Variants in USP15 observed in about 807,000 individuals in gnomAD.
USP15 encodes ubiquitin specific peptidase 15.
Under a neutral mutation model 127.1 loss-of-function variants are expected in USP15, and 18 were observed. The ratio of observed to expected loss-of-function variants is 0.14; its 90% confidence interval spans 0.10 to 0.21. USP15 has a LOEUF of 0.21. USP15 is among the 10% of genes least tolerant of loss of function. USP15 has a pLI of 1.00. For synonymous variants in USP15, 364 were observed against 393.7 expected, an observed-to-expected ratio of 0.92 and a Z score of 0.89; for missense variants, 805 against 1,159.9, an observed-to-expected ratio of 0.69 and a Z score of 4.44.
Position 62,410,657 on chromosome 12 carries a change from C to A in USP15, c.*6282C>A, listed in dbSNP as rs2068017407. 1 of 152,110 alleles carries A rather than the reference C, an allele frequency of 6.6e-6. No homozygotes were observed. Among genetic ancestry groups the A allele is most frequent in the Non-Finnish European group, 1.5e-5 (1 of 68,010 alleles). The allele number at this position is 152,110 out of a possible 1,614,324, so 9.4% of individuals were successfully genotyped here. A position where few individuals can be genotyped will look rare whatever the true frequency, so the allele number is the denominator to read the frequency against. On this transcript the variant is annotated 3_prime_UTR_variant, in exon 22 of 22. Transcript: ENST00000280377. ...CAACAACTTCCACCATAGCTAGCTCCAAACAGGTCATTAACCTCTGAATTA... is the reference window on the plus strand; with the variant it reads ...CAACAACTTCCACCATAGCTAGCTCAAAACAGGTCATTAACCTCTGAATTA...
At chr12:62,265,092 G>A (rs144836489) in intron 1 of USP15, among the ~76,000 whole-genome samples, 4 of 152,232 alleles carry the variant, frequency 2.6e-5, no homozygotes, top group African/African-American at 9.6e-5. Context: ...TGAGTCCAGG[G>A]TTAATGTACC....
chr12:62,391,738 T>C lies in USP15; in HGVS notation c.2234-78T>C. On this transcript the variant is annotated intron_variant, in intron 16 of 21. Coordinates refer to ENST00000280377, the MANE Select transcript of USP15 (RefSeq NM_001252078.2). ...AAAGATTGCTGTTTGTTTATTCTGGTGTATATCCTAACATTAAAATATACT... is the reference window on the plus strand; with the variant it reads ...AAAGATTGCTGTTTGTTTATTCTGGCGTATATCCTAACATTAAAATATACT... The C allele has an allele frequency of 4.9e-6, 6 of 1,236,716 alleles. No homozygotes were observed. In the East Asian group the frequency reaches 1.3e-4, roughly 27 times the overall value. The allele number at this position is 1,236,716 out of a possible 1,614,324, so 76.6% of individuals were successfully genotyped here. A position where few individuals can be genotyped will look rare whatever the true frequency, so the allele number is the denominator to read the frequency against.
At chr12:62,291,061 A>G (rs1014996756) in intron 1 of USP15, among the ~76,000 whole-genome samples, 5 of 152,132 alleles carry the variant, frequency 3.3e-5, no homozygotes, top group Non-Finnish European at 7.3e-5. Flanking sequence ...TGATGACTCT[A>G]TGTCATGGTG....
intron 6 of USP15, among the ~76,000 whole-genome samples, chr12:62,347,375 T>C (rs1421941801): frequency 6.6e-6 from 1 of 150,834 alleles, no homozygotes; most frequent in Non-Finnish European, 1.5e-5. Flanking sequence ...TGTGCATATA[T>C]ATTATATATA....
chr12:62,316,379 C>G (rs1271129498), intron 4 of USP15, among the ~76,000 whole-genome samples: 1 of 150,838 alleles, frequency 6.6e-6, no homozygotes, highest in African/African-American at 2.4e-5. Context: ...ATTATTATTA[C>G]AGATAAATTG....
intron 4 of USP15, among the ~76,000 whole-genome samples, chr12:62,315,249 A>G (rs1017236267): frequency 6.6e-6 from 1 of 152,012 alleles, no homozygotes; most frequent in Non-Finnish European, 1.5e-5. Context: ...GGAAAATGAC[A>G]ATTGGTTATT....
intron 6 of USP15, chr12:62,335,609 T>A: frequency 1.0e-6 from 1 of 996,438 alleles, no homozygotes; most frequent in Non-Finnish European, 1.2e-6. Context: ...TTATTTTTAT[T>A]TCTTTTCTAA....
At chr12:62,341,869 T>G (rs937966235) in intron 6 of USP15, among the ~76,000 whole-genome samples, 1 of 152,200 alleles carries the variant, frequency 6.6e-6, no homozygotes, top group African/African-American at 2.4e-5. Context: ...GGGGTTGATC[T>G]TCTCATGGAG....
intron 1 of USP15, among the ~76,000 whole-genome samples, chr12:62,291,331 A>G (rs1037905016): frequency 3.3e-5 from 5 of 151,908 alleles, no homozygotes; most frequent in African/African-American, 1.2e-4. Flanking sequence ...ATTCTCCTTG[A>G]TCTAGTTTAT....
chr12:62,390,905 G>A lies in USP15; in HGVS notation c.1886G>A (p.Gly629Glu). Residue 629 changes from glycine to glutamate, a missense_variant, in exon 15 of 22, where the codon GGA becomes GAA. By Grantham distance (98) the Gly-to-Glu change is moderately conservative. This residue lies in a region of USP15 where 225 missense variants were observed against 239.5 expected (regional missense o/e 0.94). Coordinates refer to ENST00000280377, the MANE Select transcript of USP15 (RefSeq NM_001252078.2). ...KISTETEETE[G>E]SLHCCKDQNI... Reference sequence around the variant, plus strand: ...TCTACTGAAACTGAAGAAACTGAAGGATCCCTACACTGCTGTAAGGACCAA... The same window carrying A: ...TCTACTGAAACTGAAGAAACTGAAGAATCCCTACACTGCTGTAAGGACCAA... The A allele has an allele frequency of 6.2e-7, 1 of 1,612,194 alleles. No homozygotes were observed. The highest frequency in any genetic ancestry group is 8.5e-7 in the Non-Finnish European group (1 of 1,179,010).
intron 9 of USP15, among the ~76,000 whole-genome samples, chr12:62,382,757 A>G (rs1339407303): frequency 6.6e-6 from 1 of 151,946 alleles, no homozygotes; most frequent in East Asian, 1.9e-4. Context: ...TATCTCTGTG[A>G]TACTCATCCT....
At chr12:62,306,794 A>G (rs914860099) in intron 3 of USP15, among the ~76,000 whole-genome samples, 1 of 152,140 alleles carries the variant, frequency 6.6e-6, no homozygotes, top group Non-Finnish European at 1.5e-5. Flanking sequence ...GTATTCTCAG[A>G]AAAAAAGTGT....
At chr12:62,316,715 A>G (rs2064841185) in intron 4 of USP15, among the ~76,000 whole-genome samples, 1 of 152,066 alleles carries the variant, frequency 6.6e-6, no homozygotes, top group Non-Finnish European at 1.5e-5. Context: ...ATTATTTTAG[A>G]ACATTATTAT....
chr12:62,414,976 A>ATACATATATGTCATATATG lies in USP15; in HGVS notation c.*10610_*10611insGTCATATATGTACATATAT, dbSNP rs2068122096. On this transcript the variant is annotated 3_prime_UTR_variant, in exon 22 of 22. Coordinates refer to ENST00000280377, the MANE Select transcript of USP15 (RefSeq NM_001252078.2). The stretch of plus-strand genomic sequence containing the variant: ...CCTCATATATACACATATCATGTAT[A>ATACATATATGTCATATATG]TACATATATATCATATATGTACATA... 6.8e-6 allele frequency: 1 copy of ATACATATATGTCATATATG among 147,158 alleles called. No homozygotes were observed. Among genetic ancestry groups the ATACATATATGTCATATATG allele is most frequent in the Admixed American group, 6.7e-5 (1 of 14,816 alleles). 9.1% of individuals were successfully genotyped at this position (147,158 alleles called of 1,614,324 possible).
At chr12:62,292,615 A>G (rs1018702488) in intron 1 of USP15, among the ~76,000 whole-genome samples, 4 of 152,234 alleles carry the variant, frequency 2.6e-5, no homozygotes, top group Non-Finnish European at 5.9e-5. Flanking sequence ...GCTCAAGCAC[A>G]GAGGCCACTT....
intron 2 of USP15, among the ~76,000 whole-genome samples, chr12:62,294,820 T>TTGTTCCC (rs2064080855): frequency 6.6e-6 from 1 of 152,154 alleles, no homozygotes; most frequent in African/African-American, 2.4e-5. Context: ...TACCTCTTAT[T>TTGTTCCC]ATGGGTAAAG....
intron 8 of USP15, among the ~76,000 whole-genome samples, chr12:62,371,132 T>A (rs2066652438): frequency 6.6e-6 from 1 of 152,208 alleles, no homozygotes; most frequent in Admixed American, 6.5e-5. Flanking sequence ...CAAATATGAT[T>A]ATTATGTGTT....
intron 1 of USP15, among the ~76,000 whole-genome samples, chr12:62,261,127 C>G (rs967432809): frequency 6.6e-6 from 1 of 152,024 alleles, no homozygotes; most frequent in East Asian, 1.9e-4. Context: ...TGGTCTTGTG[C>G]TTTAGTGGTG....
chr12:62,274,518 G>A lies in USP15; in HGVS notation c.89+14015G>A, dbSNP rs114164852. On this transcript the variant is annotated intron_variant, in intron 1 of 21. Coordinates refer to ENST00000280377, the MANE Select transcript of USP15 (RefSeq NM_001252078.2). ...AAAATTAACCGGGTGTGGTGGTGCT[G>A]TCTGTCGTCCCAGCTACTTGGAAGG... 7.6e-3 allele frequency among the ~76,000 whole-genome samples: 1,157 copies of A among 151,958 alleles called. 13 individuals are homozygous for A. The highest frequency in any genetic ancestry group is 0.026 in the African/African-American group (1,088 of 41,458).
Sources: allele counts gnomAD v4.1 joint callset (sites outside exome capture counted in the v4.1 genomes callset), GRCh38; gene constraint gnomAD v4.1.1; regional missense constraint gnomAD v4.1.1; transcripts MANE v1.5; gene names NCBI Gene and HGNC (gene_info 2026-07-23, HGNC 2026-07-21).